The following TG variants were observed in gnomAD, a reference collection of about 807,000 sequenced individuals.
The protein encoded by TG is thyroid hormones.
Under a neutral mutation model 324.7 loss-of-function variants are expected in TG, and 270 were observed. The ratio of observed to expected loss-of-function variants is 0.83; its 90% CI spans 0.75 to 0.92. The LOEUF is 0.92. Ranked by LOEUF, TG falls within the 40% of genes least tolerant of loss-of-function variation. TG has a pLI of 0.00. For missense variants in TG, 3,591 were observed against 3,456.4 expected (o/e 1.04, Z -0.98); for synonymous variants, 1,401 against 1,327.0 (o/e 1.06, Z -1.21).
rs1194642250 is a variant in TG, at chr8:133,113,488, C to G, written c.7639C>G (p.Leu2547Val). ...TAFYQALQNS[L>V]GGEDSDARVE... ...CTTTTACCAGGCACTGCAGAATTCT[C>G]TGGGTGGCGAGGACTCAGATGCCCG... Residue 2547 changes from leucine (L) to valine (V), a missense_variant, in exon 44 of 48, where the codon CTG (leucine) becomes GTG (valine). By Grantham distance (32) the Leu-to-Val change is conservative. Transcript: ENST00000220616. 1.2e-6 allele frequency: 2 copies of G among 1,613,938 alleles called. No individual in the cohort carries two copies. Among genetic ancestry groups the G allele is most frequent in the African/African-American group, 1.3e-5 (1 of 74,880 alleles).
In TG at chr8:132,969,560, T is replaced by C; in HGVS notation, c.5966T>C (p.Ile1989Thr). The change falls in exon 32 of 48, where the codon ATT (isoleucine) becomes ACT (threonine). Residue 1989 changes from isoleucine (I) to threonine (T), a missense_variant. By Grantham distance (89) the Ile-to-Thr change is moderately conservative. Coordinates refer to ENST00000220616, the MANE Select transcript of TG (RefSeq NM_003235.5). ...AAAGTGCCCATGTCTGAAAAATCTA[T>C]TTCTAATGGGTAAGCTACTTGTGTC... ...RNKVPMSEKS[I>T]SNGFFECERR... 1.9e-6 allele frequency: 3 copies of C among 1,602,648 alleles called. No homozygotes were observed. Among genetic ancestry groups the C allele is most frequent in the Non-Finnish European group, 2.6e-6 (3 of 1,169,684 alleles).
intron 26 of TG, among the ~76,000 whole-genome samples, chr8:132,944,869 G>A (rs889128471): frequency 6.6e-6 from 1 of 152,216 alleles, no homozygotes; most frequent in African/African-American, 2.4e-5. Flanking sequence ...GAGGGAAGGT[G>A]ATGTTAAATG....
chr8:133,006,645 C>T (rs1003200391), intron 35 of TG, among the ~76,000 whole-genome samples: 1 of 152,232 alleles, frequency 6.6e-6, no homozygotes, highest in African/African-American at 2.4e-5. Flanking sequence ...CAATCTACTG[C>T]CTCGTGGAGG....
chr8:133,076,044 T>TGGG (rs1306328193), intron 41 of TG: 1 of 152,176 alleles, frequency 6.6e-6, no homozygotes, highest in Admixed American at 6.5e-5. Flanking sequence ...CTCAGGCACA[T>TGGG]GGGGCTTCAG....
chr8:133,070,029 A>AAAAAAAAAAAAAC lies in TG; in HGVS notation c.7240-25014_7240-25013insAAAAAAAAAAACA, dbSNP rs376711807. Among the ~76,000 whole-genome samples the AAAAAAAAAAAAAC allele has an allele frequency of 5.3e-4, 58 of 109,790 alleles. 17 individuals carry two copies. Among genetic ancestry groups the AAAAAAAAAAAAAC allele is most frequent in the African/African-American group, 2.0e-3 (52 of 25,806 alleles). 72.0% of individuals were successfully genotyped at this position (109,790 alleles called of 152,430 possible). ...AAAAAAAAAAAAAAAAAAAAAAAGA[A>AAAAAAAAAAAAAC]AGAAAGAAAGAAAAGAAAAGAAGAA... On this transcript the variant is annotated intron_variant, in intron 41 of 47. Transcript: ENST00000220616.
intron 41 of TG, among the ~76,000 whole-genome samples, chr8:133,042,824 G>A (rs1223786856): frequency 6.6e-6 from 1 of 151,408 alleles, no homozygotes; most frequent in Admixed American, 6.6e-5. Flanking sequence ...CTTCCGAATA[G>A]TTGGGATTAC....
rs1002559013 is a variant in TG, at chr8:132,869,603, C to T, written c.177-126C>T. ...CAGCCACCCTTCTCCACTCCACTCT[C>T]TCCCTAATTTAAACGAACCAAAACT... On this transcript the variant is annotated intron_variant, in intron 2 of 47. Transcript: ENST00000220616. 10 of 827,860 alleles carry T rather than the reference C, an allele frequency of 1.2e-5. No individual in the cohort carries two copies. In the Admixed American group the frequency reaches 1.4e-4, roughly 12 times the overall value. 51.3% of individuals were successfully genotyped at this position (827,860 alleles called of 1,614,324 possible).
intron 6 of TG, 93 bp from the exon 7 acceptor site, chr8:132,882,375 GA>G: frequency 7.0e-7 from 1 of 1,426,552 alleles, no homozygotes; most frequent in Non-Finnish European, 9.9e-7. Context: ...TGATGCTGGT[GA>G]AGGCTGTCTC....
chr8:132,909,686 G>T (rs745378348), intron 18 of TG, among the ~76,000 whole-genome samples: 4 of 152,170 alleles, frequency 2.6e-5, no homozygotes, highest in Non-Finnish European at 5.9e-5. Context: ...GTGTGACCTG[G>T]GCCTTTCCCA....
At chr8:133,044,902 C>A in intron 41 of TG, 1 of 1,406,984 alleles carries the variant, frequency 7.1e-7, no homozygotes, top group South Asian at 1.2e-5. Context: ...GACCCCTCTG[C>A]ATTCCAGACG....
At chr8:133,121,896 C>T (rs1851168245) in intron 45 of TG, among the ~76,000 whole-genome samples, 1 of 152,164 alleles carries the variant, frequency 6.6e-6, no homozygotes, top group South Asian at 2.1e-4. Flanking sequence ...CAATGAATGA[C>T]TCACAGAAAC....
chr8:132,988,064 GCACACACACACACACACACACACA>G (rs35161639), intron 35 of TG, among the ~76,000 whole-genome samples: 1 of 134,544 alleles, frequency 7.4e-6, no homozygotes, highest in Admixed American at 7.6e-5. Context: ...ACATACACAT[GCACACACACACACACACACACACA>G]CACACACACA....
chr8:132,972,693 C>G lies in TG; in HGVS notation c.6151C>G (p.Pro2051Ala). ...CTGGCGCATTTTGGACTGTGGCTCT[C>G]CTGACATTGAAGTCCACACCTATCC... The part of the protein sequence containing the change: ...GAWRILDCGS[P>A]DIEVHTYPFG... The change falls in exon 34 of 48, where the codon CCT (proline) becomes GCT (alanine). Residue 2051 changes from proline to alanine, a missense_variant. By Grantham distance (27) the Pro-to-Ala change is conservative (BLOSUM62 -1). Transcript: ENST00000220616. 2 of 1,613,562 alleles carry G rather than the reference C, an allele frequency of 1.2e-6. No individual in the cohort carries two copies. Among genetic ancestry groups the G allele is most frequent in the South Asian group, 1.1e-5 (1 of 91,066 alleles).
rs1265490674 is a variant in TG at position 132,893,725 on chromosome 8, C to T, written c.2797C>T (p.Leu933=). The T allele has an allele frequency of 1.2e-6, 2 of 1,613,930 alleles. No individual in the cohort carries two copies. The highest frequency in any genetic ancestry group is 1.7e-6 in the Non-Finnish European group (2 of 1,179,898). The part of the protein sequence containing the change: ...GSCEEAKLRV[L]QFIRETEEIV... ...CTGTGAGGAAGCAAAGCTCCGTGTA[C>T]TGCAGTTCATTAGGGAAACGGAAGA... The change falls in exon 11 of 48, where the codon CTG becomes TTG. Residue 933 remains leucine, a synonymous_variant. Transcript: ENST00000220616.
chr8:133,079,243 T>C (rs1845381747), intron 41 of TG, among the ~76,000 whole-genome samples: 1 of 152,136 alleles, frequency 6.6e-6, no homozygotes, highest in Non-Finnish European at 1.5e-5. Flanking sequence ...GTACCATCTG[T>C]GTAGGAAGCA....
At chr8:132,973,751 C>T (rs1437058103) in intron 34 of TG, among the ~76,000 whole-genome samples, 3 of 152,242 alleles carry the variant, frequency 2.0e-5, no homozygotes, top group South Asian at 2.1e-4. Flanking sequence ...ACAAAGATGT[C>T]CCAGATCCAA....
chr8:133,065,666 G>A (rs1440352233), intron 41 of TG, among the ~76,000 whole-genome samples: 3 of 152,130 alleles, frequency 2.0e-5, no homozygotes, highest in Non-Finnish European at 4.4e-5. Flanking sequence ...GGAGGCTGAG[G>A]CAGGAGAATC....
intron 45 of TG, among the ~76,000 whole-genome samples, chr8:133,126,721 A>G (rs1289547070): frequency 6.6e-6 from 1 of 152,108 alleles, no homozygotes; most frequent in Non-Finnish European, 1.5e-5. Context: ...ACTTTTGCAT[A>G]TTAGATTTGC....
At chr8:133,129,079 G>A (rs562886692) in intron 45 of TG, among the ~76,000 whole-genome samples, 27 of 152,274 alleles carry the variant, frequency 1.8e-4, no homozygotes, top group African/African-American at 5.5e-4. Flanking sequence ...CAGATTCACC[G>A]AGGACTTGGT....
Sources: allele counts gnomAD v4.1 joint callset (sites outside exome capture counted in the v4.1 genomes callset), GRCh38; gene constraint gnomAD v4.1.1; transcripts MANE v1.5; gene names NCBI Gene and HGNC (gene_info 2026-07-23, HGNC 2026-07-21).